STX8: variants seen among roughly 807,000 people sequenced by gnomAD.
STX8 encodes syntaxin-8.
A neutral mutation model predicts 37.5 loss-of-function variants in STX8; 23 were observed. That is an observed-to-expected ratio of 0.61 (90% CI 0.44 to 0.87). The LOEUF is 0.87. STX8 is among the 40% of genes least tolerant of loss of function. STX8 has a pLI of 0.00. For synonymous variants in STX8, 115 were observed against 99.1 expected (o/e 1.16, Z -0.95); for missense variants, 313 against 284.7 (o/e 1.10, Z -0.71).
At position 9,480,895 on chromosome 17, in the gene STX8, T is replaced by TTTCTTTCTTTCTTTCTTTCTTTC. The variant is rs534475818; in HGVS notation, c.541+10933_541+10934insGAAAGAAAGAAAGAAAGAAAGAA. Among the ~76,000 whole-genome samples the TTTCTTTCTTTCTTTCTTTCTTTC allele has an allele frequency of 7.1e-4, 108 of 151,160 alleles. 1 individual carries two copies. The highest frequency in any genetic ancestry group is 3.4e-3 in the Middle Eastern group (1 of 294). ...GCCAATTTCTTTCTTTCTTTCTTTC[T>TTTCTTTCTTTCTTTCTTTCTTTC]TTTTTTTGAGGTGGAGCCTTGCTCT... On this transcript the variant is annotated intron_variant, in intron 6 of 7. Coordinates refer to ENST00000306357, the MANE Select transcript of STX8 (RefSeq NM_004853.3).
rs940405887 is a variant in STX8 at position 9,547,789 on chromosome 17, T to A, written c.213-2507A>T. On this transcript the variant is annotated intron_variant, in intron 3 of 7. Transcript: ENST00000306357. ...TTCCTTTTCTTTTCTTTTCTTTTTT[T>A]TTTTTTTGTTTTGTTTTGTTAAGAT... Among the ~76,000 whole-genome samples the A allele has an allele frequency of 4.7e-4, 66 of 139,942 alleles. 1 individual carries two copies. Among genetic ancestry groups the A allele is most frequent in the Non-Finnish European group, 6.1e-5 (4 of 65,074 alleles). The allele number at this position is 139,942 out of a possible 152,430, so 91.8% of individuals were successfully genotyped here.
At chr17:9,474,090 G>A (rs147590112) in intron 6 of STX8, among the ~76,000 whole-genome samples, 378 of 152,242 alleles carry the variant, frequency 2.5e-3, no homozygotes, top group African/African-American at 8.8e-3. Context: ...ACAAGGTTCA[G>A]GGAGCTGCTG....
chr17:9,527,185 C>A (rs1329749828), intron 4 of STX8, among the ~76,000 whole-genome samples: 10 of 49,628 alleles, frequency 2.0e-4, no homozygotes, highest in South Asian at 1.9e-3. Context: ...GACTCCGTCT[C>A]AAAAAAAAAA....
At chr17:9,503,128 G>T in intron 5 of STX8, among the ~76,000 whole-genome samples, 2 of 48,012 alleles carry the variant, frequency 4.2e-5, no homozygotes, top group African/African-American at 6.7e-5. Context: ...AAAAAAAAAA[G>T]AGTGAAATAC....
chr17:9,454,986 C>T (rs1380260159), intron 6 of STX8, among the ~76,000 whole-genome samples: 1 of 151,996 alleles, frequency 6.6e-6, no homozygotes, highest in African/African-American at 2.4e-5. Context: ...AAGGTCAAGG[C>T]GGGAGCATCA....
At chr17:9,522,749 G>A (rs965201465) in intron 4 of STX8, among the ~76,000 whole-genome samples, 11 of 151,804 alleles carry the variant, frequency 7.2e-5, no homozygotes, top group Non-Finnish European at 1.0e-4. Flanking sequence ...CAGTGAGTAG[G>A]ATAGTGGTTA....
chr17:9,542,710 A>ATAAATAAG (rs1166379892), intron 4 of STX8, among the ~76,000 whole-genome samples: 2 of 151,764 alleles, frequency 1.3e-5, no homozygotes, highest in African/African-American at 4.9e-5. Context: ...AAATAAATAA[A>ATAAATAAG]TAAGGAATAA....
chr17:9,496,414 A>AT (rs1904410462), intron 5 of STX8, among the ~76,000 whole-genome samples: 1 of 151,992 alleles, frequency 6.6e-6, no homozygotes, highest in Non-Finnish European at 1.5e-5. Context: ...CCATCATGTC[A>AT]TAACTGCCAA....
At chr17:9,272,262 C>T (rs1907492845) in intron 7 of STX8, among the ~76,000 whole-genome samples, 1 of 152,238 alleles carries the variant, frequency 6.6e-6, no homozygotes, top group South Asian at 2.1e-4. Flanking sequence ...TCACATCAGG[C>T]TGACACAGAT....
At chr17:9,253,795 CGTGAATTGTCAAATCAGGGTGA>C (rs1165574461) in intron 7 of STX8, among the ~76,000 whole-genome samples, 2 of 152,118 alleles carry the variant, frequency 1.3e-5, no homozygotes, top group Admixed American at 6.5e-5. Flanking sequence ...TATGAATGAC[CGTGAATTGTCAAATCAGGGTGA>C]TTATGAGAAG....
At chr17:9,332,668 G>C (rs1909999955) in intron 7 of STX8, among the ~76,000 whole-genome samples, 2 of 152,172 alleles carry the variant, frequency 1.3e-5, no homozygotes, top group Admixed American at 6.5e-5. Flanking sequence ...CAGTAATGCA[G>C]AACTGGATCC....
intron 6 of STX8, among the ~76,000 whole-genome samples, chr17:9,389,887 G>A (rs1341046464): frequency 6.6e-6 from 1 of 152,094 alleles, no homozygotes; most frequent in Non-Finnish European, 1.5e-5. Context: ...GGGGGTGGTG[G>A]TGACCTCTGA....
chr17:9,351,420 G>A (rs1288455511), intron 7 of STX8, among the ~76,000 whole-genome samples: 1 of 152,002 alleles, frequency 6.6e-6, no homozygotes, highest in African/African-American at 2.4e-5. Flanking sequence ...GCCTCCCAAA[G>A]TGCTGGGATT....
At chr17:9,526,391 G>A (rs915641627) in intron 4 of STX8, among the ~76,000 whole-genome samples, 4 of 152,218 alleles carry the variant, frequency 2.6e-5, no homozygotes, top group South Asian at 2.1e-4. Context: ...GCCCCCACCC[G>A]CCACTCCACA....
chr17:9,418,927 T>C (rs1458997901), intron 6 of STX8, among the ~76,000 whole-genome samples: 2 of 134,222 alleles, frequency 1.5e-5, no homozygotes, highest in Non-Finnish European at 3.3e-5. Flanking sequence ...TTTTTCTTTT[T>C]TTTTTTTTTT....
chr17:9,335,330 A>T (rs1052981246), intron 7 of STX8, among the ~76,000 whole-genome samples: 6 of 152,200 alleles, frequency 3.9e-5, no homozygotes, highest in Non-Finnish European at 8.8e-5. Flanking sequence ...AATTAAATTT[A>T]TGTTTGAGTG....
At position 9,324,134 on chromosome 17, in the gene STX8, A is replaced by T. The variant is rs1039075859; in HGVS notation, c.643+54418T>A. 2.7e-4 allele frequency among the ~76,000 whole-genome samples: 41 copies of T among 150,158 alleles called. No individual in the cohort carries two copies. In the South Asian group the frequency reaches 3.2e-3, roughly 12 times the overall value. The stretch of plus-strand genomic sequence containing the variant: ...GTCTCTCTCTCTCTCTCTCACACAC[A>T]CACACACACACACACACACACAAAC... On this transcript the variant is annotated intron_variant, in intron 7 of 7. Transcript: ENST00000306357.
At chr17:9,304,507 CAAAAAA>C (rs35673905) in intron 7 of STX8, among the ~76,000 whole-genome samples, 207 of 56,882 alleles carry the variant, frequency 3.6e-3, no homozygotes, top group African/African-American at 0.014. Flanking sequence ...GAAACTGTCT[CAAAAAA>C]AAAAAAAAAA....
At chr17:9,333,418 T>C (rs371594995) in intron 7 of STX8, among the ~76,000 whole-genome samples, 24 of 152,204 alleles carry the variant, frequency 1.6e-4, no homozygotes, top group East Asian at 3.8e-4. Flanking sequence ...AACAGAGTCT[T>C]GCTCTGTCAC....
Sources: gnomAD v4.1 joint callset for allele counts (sites outside exome capture counted in the v4.1 genomes callset) on GRCh38, gnomAD v4.1.1 for gene constraint, MANE v1.5 for transcripts, NCBI Gene and HGNC (gene_info 2026-07-23, HGNC 2026-07-21) for gene names.